Variants in ANKRD7 observed in about 807,000 individuals in gnomAD.
ANKRD7 encodes ankyrin repeat domain-containing protein 7.
Under a neutral mutation model 30.8 loss-of-function variants are expected in ANKRD7, and 30 were observed. The ratio of observed to expected loss-of-function variants is 0.97; its 90% confidence interval spans 0.73 to 1.32. The LOEUF is 1.32. Among genes scored for constraint, ANKRD7 ranks in the 40% most tolerant of loss-of-function variants. The pLI is 0.00. For missense variants in ANKRD7, 264 were observed against 295.7 expected, an observed-to-expected ratio of 0.89 and a Z score of 0.79; for synonymous variants, 97 against 106.6, an observed-to-expected ratio of 0.91 and a Z score of 0.55.
chr7:118,228,243 T>C (rs1809578239), intron 1 of ANKRD7, among the ~76,000 whole-genome samples: 1 of 152,188 alleles, frequency 6.6e-6, no homozygotes, highest in Non-Finnish European at 1.5e-5. Flanking sequence ...TCTCTACTTT[T>C]ATCTTCACTC....
chr7:118,240,868 T>C (rs1275063187), intron 6 of ANKRD7, among the ~76,000 whole-genome samples: 1 of 151,910 alleles, frequency 6.6e-6, no homozygotes, highest in African/African-American at 2.4e-5. Flanking sequence ...GAATATATAG[T>C]TATTGGCCGG....
intron 5 of ANKRD7, among the ~76,000 whole-genome samples, chr7:118,238,836 AC>A (rs772735848): frequency 3.9e-5 from 6 of 152,128 alleles, no homozygotes; most frequent in Non-Finnish European, 8.8e-5. Flanking sequence ...TTACTATTAA[AC>A]CTGAGAGCTG....
intron 6 of ANKRD7, 36 bp from the exon 7 acceptor site, chr7:118,242,313 T>C (rs1442964730): frequency 6.6e-6 from 1 of 152,202 alleles, no homozygotes; most frequent in Non-Finnish European, 1.5e-5. Context: ...TATTTGGACG[T>C]AAGTGAAGAC....
At chr7:118,226,443 A>G (rs1809543481) in intron 1 of ANKRD7, among the ~76,000 whole-genome samples, 1 of 152,242 alleles carries the variant, frequency 6.6e-6, no homozygotes, top group Non-Finnish European at 1.5e-5. Flanking sequence ...ATTGATTGGA[A>G]GTGTTACCAA....
chr7:118,228,734 C>A (rs1008168525), intron 1 of ANKRD7, among the ~76,000 whole-genome samples: 15 of 152,268 alleles, frequency 9.9e-5, no homozygotes, highest in African/African-American at 3.6e-4. Context: ...GATTAAACAG[C>A]AAATCTTGTT....
chr7:118,241,274 T>C (rs1053776096), intron 6 of ANKRD7, among the ~76,000 whole-genome samples: 1 of 151,672 alleles, frequency 6.6e-6, no homozygotes, highest in Non-Finnish European at 1.5e-5. Context: ...AGAAAAACTT[T>C]TAGAACTCTC....
chr7:118,235,190 C>T (rs908579353), intron 3 of ANKRD7, among the ~76,000 whole-genome samples: 9 of 151,926 alleles, frequency 5.9e-5, no homozygotes, highest in African/African-American at 2.2e-4. Context: ...ATCATAAAAC[C>T]CACCTTTTTT....
At chr7:118,235,908 T>C (rs575134473) in intron 3 of ANKRD7, 133 bp from the exon 4 acceptor site, 77 of 510,784 alleles carry the variant, frequency 1.5e-4, no homozygotes, top group Non-Finnish European at 2.3e-4. Flanking sequence ...CATTTTTTTA[T>C]GTATTAAAAT....
At chr7:118,235,041 C>T (rs1282614481) in intron 3 of ANKRD7, among the ~76,000 whole-genome samples, 167 bp downstream of exon 3, 1 of 152,096 alleles carries the variant, frequency 6.6e-6, no homozygotes, top group East Asian at 1.9e-4. Flanking sequence ...AATATTTCTT[C>T]TCTTGAACTC....
chr7:118,238,025 T>C (rs1809761652), intron 5 of ANKRD7, among the ~76,000 whole-genome samples: 2 of 152,164 alleles, frequency 1.3e-5, no homozygotes, highest in Non-Finnish European at 2.9e-5. Flanking sequence ...TGTATCTGTT[T>C]AGTAATGTAT....
At chr7:118,227,920 TAAC>T in intron 1 of ANKRD7, 2 of 1,345,138 alleles carry the variant, frequency 1.5e-6, no homozygotes, top group Non-Finnish European at 2.0e-6. Flanking sequence ...TTTTTTTTTT[TAAC>T]AAAAACAGTG....
At chr7:118,235,876 G>GT (rs1324776676) in intron 3 of ANKRD7, among the ~76,000 whole-genome samples, 165 bp from the exon 4 acceptor site, 1 of 151,938 alleles carries the variant, frequency 6.6e-6, no homozygotes. Flanking sequence ...ACCCTGATTT[G>GT]TTTTCTTGGT....
chr7:118,236,723 C>G, intron 4 of ANKRD7, 67 bp from the exon 5 acceptor site: 1 of 1,527,256 alleles, frequency 6.5e-7, no homozygotes, highest in East Asian at 2.3e-5. Context: ...ATTGAGAAGA[C>G]TGAATTTTTA....
intron 1 of ANKRD7, among the ~76,000 whole-genome samples, chr7:118,227,519 G>A (rs1809564490): frequency 6.6e-6 from 1 of 152,176 alleles, no homozygotes; most frequent in African/African-American, 2.4e-5. Flanking sequence ...TTTTCACAAA[G>A]GGAGTTTGTC....
chr7:118,240,642 A>T (rs907343844), intron 6 of ANKRD7, among the ~76,000 whole-genome samples: 1 of 152,156 alleles, frequency 6.6e-6, no homozygotes, highest in South Asian at 2.1e-4. Flanking sequence ...ATGTCTAGCT[A>T]TAAAAAACAA....
chr7:118,229,250 G>A (rs1295621655), intron 1 of ANKRD7, among the ~76,000 whole-genome samples: 1 of 152,158 alleles, frequency 6.6e-6, no homozygotes, highest in East Asian at 1.9e-4. Context: ...TACCTTACTA[G>A]TGAGGGCTTC....
intron 6 of ANKRD7, among the ~76,000 whole-genome samples, chr7:118,240,713 G>A (rs1809818180): frequency 6.6e-6 from 1 of 151,840 alleles, no homozygotes; most frequent in African/African-American, 2.4e-5. Context: ...TAATTTTATT[G>A]TAAAAATACA....
chr7:118,234,864 C>A lies in ANKRD7; in HGVS notation c.458C>A (p.Ala153Glu). Reference protein sequence around the residue: ...KLLEYEADLEAKNKDGYTPLL... With the variant: ...KLLEYEADLEEKNKDGYTPLL... The stretch of plus-strand genomic sequence containing the variant: ...CTTGAATACGAAGCTGATCTTGAAG[C>A]GAAAAATAAGGTAGTTTTCTATTAA... Residue 153 changes from alanine (A) to glutamate (E), a missense_variant, in exon 3 of 7, where the codon GCG becomes GAG. Transcript: ENST00000265224. 2 of 1,588,630 alleles carry A rather than the reference C, an allele frequency of 1.3e-6. No homozygotes were observed. Among genetic ancestry groups the A allele is most frequent in the East Asian group, 2.3e-5 (1 of 44,104 alleles).
chr7:118,232,384 G>A (rs1325904127), intron 1 of ANKRD7, among the ~76,000 whole-genome samples: 2 of 151,862 alleles, frequency 1.3e-5, no homozygotes, highest in Non-Finnish European at 2.9e-5. Context: ...CAAGATTGAC[G>A]GTTTGAGTGA....
Sources: gnomAD v4.1 joint callset for allele counts (sites outside exome capture counted in the v4.1 genomes callset) on GRCh38, gnomAD v4.1.1 for gene constraint, MANE v1.5 for transcripts, NCBI Gene and HGNC (gene_info 2026-07-23, HGNC 2026-07-21) for gene names.